DLG2: variants seen among roughly 807,000 people sequenced by gnomAD.
DLG2 encodes disks large homolog 2.
In DLG2, 45 loss-of-function variants were observed where a neutral mutation model predicts 132.5. That is an observed-to-expected ratio of 0.34 (90% CI 0.27 to 0.44). The LOEUF is 0.44. DLG2 is among the 20% of genes least tolerant of loss of function. DLG2 has a pLI of 1.00. For missense variants in DLG2, 1,045 were observed against 1,196.9 expected (o/e 0.87, Z 1.87); for synonymous variants, 424 against 419.6 (o/e 1.01, Z -0.13).
At chr11:84,891,481 C>A (rs2089380831) in intron 6 of DLG2, among the ~76,000 whole-genome samples, 1 of 151,864 alleles carries the variant, frequency 6.6e-6, no homozygotes, top group African/African-American at 2.4e-5. Context: ...CATAAGTACA[C>A]CACAATTTCA....
chr11:84,041,581 T>C (rs2096081061), intron 11 of DLG2, among the ~76,000 whole-genome samples: 1 of 152,026 alleles, frequency 6.6e-6, no homozygotes, highest in Non-Finnish European at 1.5e-5. Flanking sequence ...ATAAATTTAC[T>C]GGGAATATTT....
rs186097322 is a variant in DLG2 at position 85,130,432 on chromosome 11, G to T, written c.283-18697C>A. On this transcript the variant is annotated intron_variant, in intron 5 of 27. Coordinates refer to ENST00000376104, the MANE Select transcript of DLG2 (RefSeq NM_001142699.3). ...CTAGGAGGAGCCAAGGGGACAGTGA[G>T]GGACTTTCATGCCAAGGAAAGGGAA... is the stretch of plus-strand genomic sequence containing the variant. 5.7e-4 allele frequency among the ~76,000 whole-genome samples: 86 copies of T among 152,206 alleles called. 2 individuals carry two copies. Among genetic ancestry groups the T allele is most frequent in the African/African-American group, 1.7e-3 (71 of 41,520 alleles).
intron 6 of DLG2, among the ~76,000 whole-genome samples, chr11:84,856,117 T>G (rs1171686498): frequency 1.3e-5 from 2 of 152,160 alleles, no homozygotes; most frequent in African/African-American, 4.8e-5. Flanking sequence ...AAGTCATTTA[T>G]GCTTAACTAA....
At chr11:84,456,560 T>C (rs1386119751) in intron 7 of DLG2, among the ~76,000 whole-genome samples, 1 of 151,274 alleles carries the variant, frequency 6.6e-6, no homozygotes, top group African/African-American at 2.4e-5. Context: ...AAACACCACA[T>C]ACATTATCTT....
chr11:84,132,679 GA>G (rs1209898203), intron 9 of DLG2, among the ~76,000 whole-genome samples: 4 of 152,008 alleles, frequency 2.6e-5, no homozygotes, highest in African/African-American at 9.7e-5. Flanking sequence ...TCTAATGACA[GA>G]AGCAGATATT....
chr11:83,693,437 C>T (rs765966613), intron 18 of DLG2, among the ~76,000 whole-genome samples: 31 of 152,124 alleles, frequency 2.0e-4, no homozygotes, highest in Non-Finnish European at 3.2e-4. Flanking sequence ...GCAGGCAACA[C>T]GCAATCAAAC....
intron 6 of DLG2, among the ~76,000 whole-genome samples, chr11:85,029,833 G>A (rs1049126308): frequency 1.3e-5 from 2 of 152,160 alleles, no homozygotes; most frequent in African/African-American, 4.8e-5. Context: ...AGCCTCCCAT[G>A]TAGGTGGGCT....
chr11:85,525,408 A>G (rs73499153), intron 3 of DLG2, among the ~76,000 whole-genome samples: 1,730 of 152,302 alleles, frequency 0.011, 29 homozygotes, highest in African/African-American at 0.039. Flanking sequence ...TCTGTTCAAT[A>G]TTTACCATAT....
chr11:84,162,515 T>C (rs907299924), intron 9 of DLG2, among the ~76,000 whole-genome samples: 1 of 152,088 alleles, frequency 6.6e-6, no homozygotes, highest in Admixed American at 6.6e-5. Flanking sequence ...TATCCTTTTT[T>C]GTTTATTATT....
At chr11:83,851,629 A>C (rs1240612263) in intron 16 of DLG2, among the ~76,000 whole-genome samples, 1 of 138,676 alleles carries the variant, frequency 7.2e-6, no homozygotes, top group Non-Finnish European at 1.5e-5. Context: ...CTCGGTCTCA[A>C]AAAAAAAAAA....
At chr11:83,482,314 C>T (rs952747923) in intron 22 of DLG2, among the ~76,000 whole-genome samples, 1 of 151,850 alleles carries the variant, frequency 6.6e-6, no homozygotes, top group African/African-American at 2.4e-5. Context: ...AAATATTGCC[C>T]ATAGCTGTTA....
chr11:84,919,370 C>T (rs2092649642), intron 6 of DLG2, among the ~76,000 whole-genome samples: 1 of 152,026 alleles, frequency 6.6e-6, no homozygotes, highest in Non-Finnish European at 1.5e-5. Flanking sequence ...TTTTGAAATC[C>T]CAAAAATCCA....
chr11:85,021,467 C>T, intron 6 of DLG2: 1 of 1,422,778 alleles, frequency 7.0e-7, no homozygotes, highest in Non-Finnish European at 9.9e-7. Flanking sequence ...GCAGCCCGGG[C>T]ATTTCTCTCA....
At chr11:84,573,769 GTTA>G (rs2099491627) in intron 6 of DLG2, among the ~76,000 whole-genome samples, 3 of 152,170 alleles carry the variant, frequency 2.0e-5, no homozygotes, top group Non-Finnish European at 4.4e-5. Context: ...GACTCTAGGT[GTTA>G]TTATGACACT....
intron 3 of DLG2, among the ~76,000 whole-genome samples, chr11:85,439,654 C>T (rs1463129586): frequency 5.3e-5 from 8 of 152,162 alleles, no homozygotes; most frequent in African/African-American, 9.6e-5. Flanking sequence ...CCACCGCGCC[C>T]GGCCTGTTTC....
chr11:83,880,700 G>C (rs368030247), intron 15 of DLG2, among the ~76,000 whole-genome samples: 18 of 152,186 alleles, frequency 1.2e-4, no homozygotes, highest in East Asian at 7.7e-4. Flanking sequence ...GTGTGTAAAG[G>C]AAAGTGCAAG....
At chr11:85,095,920 G>A (rs978250784) in intron 6 of DLG2, among the ~76,000 whole-genome samples, 1 of 152,122 alleles carries the variant, frequency 6.6e-6, no homozygotes, top group Non-Finnish European at 1.5e-5. Flanking sequence ...ATGCTGACAG[G>A]TGAAGCCAGC....
chr11:83,970,059 G>A (rs1388917215), intron 12 of DLG2, among the ~76,000 whole-genome samples: 2 of 152,030 alleles, frequency 1.3e-5, no homozygotes, highest in African/African-American at 2.4e-5. Context: ...GGAATGAGAA[G>A]TCAATAATAA....
At chr11:84,705,656 C>T (rs911571256) in intron 6 of DLG2, among the ~76,000 whole-genome samples, 1 of 151,744 alleles carries the variant, frequency 6.6e-6, no homozygotes, top group Admixed American at 6.6e-5. Context: ...ACTTCTAGGT[C>T]TCAGTCTTGG....
Sources: gnomAD v4.1 joint callset for allele counts (sites outside exome capture counted in the v4.1 genomes callset) on GRCh38, gnomAD v4.1.1 for gene constraint, MANE v1.5 for transcripts, NCBI Gene and HGNC (gene_info 2026-07-23, HGNC 2026-07-21) for gene names.